The following PLA2G4A variants were observed in gnomAD, a reference collection of about 807,000 sequenced individuals.
PLA2G4A encodes cytosolic phospholipase A2.
A neutral mutation model predicts 81.9 loss-of-function variants in PLA2G4A; 40 were observed. That is an observed-to-expected ratio of 0.49 (90% CI 0.38 to 0.64). PLA2G4A has a LOEUF of 0.64. Among genes scored for constraint, PLA2G4A ranks in the 30% least tolerant of loss-of-function variants. The pLI, the probability that PLA2G4A is intolerant of heterozygous loss-of-function variation, is 0.00. For missense variants in PLA2G4A, 715 were observed against 905.1 expected (o/e 0.79, Z 2.69); for synonymous variants, 302 against 296.9 (o/e 1.02, Z -0.18).
chr1:186,915,362 A>C (rs891356601), intron 7 of PLA2G4A, among the ~76,000 whole-genome samples: 3 of 152,100 alleles, frequency 2.0e-5, no homozygotes, highest in Non-Finnish European at 2.9e-5. Flanking sequence ...ATTAGTGATT[A>C]TTTCTAAGAC....
intron 5 of PLA2G4A, among the ~76,000 whole-genome samples, chr1:186,904,211 T>C (rs1654651354): frequency 6.6e-6 from 1 of 152,222 alleles, no homozygotes; most frequent in African/African-American, 2.4e-5. Context: ...CAAGAATACA[T>C]AATGGACACA....
chr1:186,852,319 T>G (rs954174332), intron 1 of PLA2G4A, among the ~76,000 whole-genome samples: 10 of 151,966 alleles, frequency 6.6e-5, no homozygotes, highest in Non-Finnish European at 1.2e-4. Context: ...CAGGGAAGAC[T>G]CCACTGGAAA....
intron 7 of PLA2G4A, among the ~76,000 whole-genome samples, chr1:186,927,970 G>A (rs7555326): frequency 0.31 from 46,472 of 152,046 alleles, 9,660 homozygotes; most frequent in African/African-American, 0.58. Flanking sequence ...AGTTGGTAAA[G>A]GTCGAAAGGC....
At chr1:186,937,955 TC>T (rs1164379230) in intron 8 of PLA2G4A, among the ~76,000 whole-genome samples, 1 of 152,046 alleles carries the variant, frequency 6.6e-6, no homozygotes, top group Non-Finnish European at 1.5e-5. Flanking sequence ...ATTAGTTTTC[TC>T]CCCTCGAAGG....
At chr1:186,914,665 T>C (rs1359846583) in intron 7 of PLA2G4A, among the ~76,000 whole-genome samples, 8 of 152,216 alleles carry the variant, frequency 5.3e-5, no homozygotes, top group African/African-American at 2.4e-5. Context: ...CTGTAATCTA[T>C]AGATAACATA....
chr1:186,983,753 C>T (rs80103837), intron 17 of PLA2G4A, among the ~76,000 whole-genome samples: 1,082 of 77,358 alleles, frequency 0.014, 17 homozygotes, highest in African/African-American at 0.049. Context: ...CATGTGATGG[C>T]GGCGGGGCGG....
intron 2 of PLA2G4A, among the ~76,000 whole-genome samples, chr1:186,869,684 T>G (rs1653170539): frequency 1.3e-5 from 2 of 152,228 alleles, no homozygotes; most frequent in Non-Finnish European, 2.9e-5. Context: ...TTAAGGGAAG[T>G]GAACTCTCCT....
At chr1:186,928,921 C>G (rs2102195498) in intron 7 of PLA2G4A, among the ~76,000 whole-genome samples, 1 of 152,314 alleles carries the variant, frequency 6.6e-6, no homozygotes, top group Non-Finnish European at 1.5e-5. Flanking sequence ...CAGACCTTCT[C>G]AGCAGCACTT....
At chr1:186,968,866 C>T (rs1274783773) in intron 15 of PLA2G4A, among the ~76,000 whole-genome samples, 2 of 148,036 alleles carry the variant, frequency 1.4e-5, no homozygotes, top group African/African-American at 5.0e-5. Flanking sequence ...GTTTTACATG[C>T]CTTTGCTGGC....
rs76126068 is a variant in PLA2G4A at position 186,849,566 on chromosome 1, C to T, written c.-69-4720C>T. ...ATCATAAGCCACTTTCACGTTTGCT[C>T]ACCATTCGCCAGCCACTTGTCTTCT... is the stretch of plus-strand genomic sequence containing the variant. On this transcript the variant is annotated intron_variant, in intron 1 of 17. Transcript: ENST00000367466. 6.3e-3 allele frequency among the ~76,000 whole-genome samples: 957 copies of T among 152,142 alleles called. 15 individuals carry two copies. The highest frequency in any genetic ancestry group is 0.022 in the African/African-American group (930 of 41,510).
Position 186,831,114 on chromosome 1 carries a change from C to A in PLA2G4A, c.-70+2079C>A, listed in dbSNP as rs1489100595. On this transcript the variant is annotated intron_variant, in intron 1 of 17. Transcript: ENST00000367466. ...TTTATAATCTTGTGACAGGTATGGA[C>A]CCCTCCCTAGAATAATGCACATTAT... Among the ~76,000 whole-genome samples, 3 of 151,340 alleles carry A rather than the reference C, an allele frequency of 2.0e-5. No homozygotes were observed. In the East Asian group the frequency reaches 5.8e-4, roughly 29 times the overall value.
In PLA2G4A at chr1:186,978,381, C is replaced by T. The variant is rs926050355; in HGVS notation, c.1960+593C>T. ...TTTACATGCAGGGTGCTTAAGGCTC[C>T]AAAAACCATATTTTAGGACCAGAAA... On this transcript the variant is annotated intron_variant, in intron 16 of 17. Transcript: ENST00000367466. Among the ~76,000 whole-genome samples, 4 of 151,910 alleles carry T rather than the reference C, an allele frequency of 2.6e-5. 1 individual carries two copies. Among genetic ancestry groups the T allele is most frequent in the Admixed American group, 6.6e-5 (1 of 15,240 alleles).
intron 5 of PLA2G4A, among the ~76,000 whole-genome samples, chr1:186,898,137 G>T (rs1654407207): frequency 1.3e-5 from 2 of 151,914 alleles, no homozygotes; most frequent in Admixed American, 1.3e-4. Flanking sequence ...TGATAATAAT[G>T]CAAGAATAAA....
intron 9 of PLA2G4A, among the ~76,000 whole-genome samples, chr1:186,939,492 G>GAAAAAAAAAAA (rs10599543): frequency 7.0e-6 from 1 of 143,162 alleles, no homozygotes. Flanking sequence ...CTTTTCTCTG[G>GAAAAAAAAAAA]AAAAAAAAAA....
At chr1:186,867,383 G>A (rs986803338) in intron 2 of PLA2G4A, among the ~76,000 whole-genome samples, 2 of 152,058 alleles carry the variant, frequency 1.3e-5, no homozygotes, top group African/African-American at 4.8e-5. Context: ...TATTTCATAT[G>A]AATTTTGTAT....
chr1:186,979,943 CTTTTTTTTTTTTT>C (rs34029312), intron 17 of PLA2G4A, among the ~76,000 whole-genome samples: 39 of 98,794 alleles, frequency 3.9e-4, no homozygotes, highest in African/African-American at 1.4e-3. Context: ...ACAGCATTTC[CTTTTTTTTTTTTT>C]TTTTTTTTTG....
At chr1:186,949,233 A>G (rs556998308) in intron 12 of PLA2G4A, among the ~76,000 whole-genome samples, 1 of 151,838 alleles carries the variant, frequency 6.6e-6, no homozygotes, top group African/African-American at 2.4e-5. Context: ...TTCTTAAACT[A>G]TCATATGTGA....
At chr1:186,905,091 G>A (rs910712127) in intron 5 of PLA2G4A, among the ~76,000 whole-genome samples, 2 of 152,164 alleles carry the variant, frequency 1.3e-5, no homozygotes, top group African/African-American at 4.8e-5. Flanking sequence ...CTGACATCAG[G>A]TGATCCACCT....
chr1:186,922,642 A>G (rs1420132084), intron 7 of PLA2G4A, among the ~76,000 whole-genome samples: 1 of 152,182 alleles, frequency 6.6e-6, no homozygotes. Flanking sequence ...CCGTCTGTTA[A>G]TCACCTTGCT....
Sources: allele counts gnomAD v4.1 joint callset (sites outside exome capture counted in the v4.1 genomes callset), GRCh38; gene constraint gnomAD v4.1.1; transcripts MANE v1.5; gene names NCBI Gene and HGNC (gene_info 2026-07-23, HGNC 2026-07-21).